LMNA: variants seen among roughly 807,000 people sequenced by gnomAD.
LMNA encodes the protein lamin A/C, also known as lamin.
Under a neutral mutation model 70.4 loss-of-function variants are expected in LMNA, and 20 were observed. The ratio of observed to expected loss-of-function variants is 0.28; its 90% CI spans 0.20 to 0.41. LMNA has a LOEUF of 0.41. LMNA is among the 10% of genes least tolerant of loss of function. The probability of loss-of-function intolerance (pLI) is 1.00; values close to 1 mark genes in which losing one functional copy is unlikely to be tolerated. For missense variants in LMNA, 652 were observed against 917.2 expected, an observed-to-expected ratio of 0.71 and a Z score of 3.73; for synonymous variants, 339 against 372.8, an observed-to-expected ratio of 0.91 and a Z score of 1.04.
chr1:156,089,232 C>T (rs1039688439), intron 2 of LMNA, among the ~76,000 whole-genome samples: 1 of 152,154 alleles, frequency 6.6e-6, no homozygotes, highest in African/African-American at 2.4e-5. Context: ...CTACCTCAGC[C>T]TCTCAAAGTG....
chr1:156,131,157 A>G (rs682267), intron 2 of LMNA, among the ~76,000 whole-genome samples: 21,964 of 152,052 alleles, frequency 0.14, 3,459 homozygotes, highest in African/African-American at 0.39. Context: ...TGTAGTCCCA[A>G]CTACTCGGGA....
At chr1:156,126,642 G>A in intron 1 of LMNA, 2 of 1,210,744 alleles carry the variant, frequency 1.7e-6, no homozygotes, top group Non-Finnish European at 2.4e-6. Context: ...CCCTGCCTTG[G>A]GTCACATTTG....
In LMNA at chr1:156,138,860, C is replaced by A; in HGVS notation, c.1968+103C>A. ...AGGGGGGAGAGCCTGCCTTCTCTTC[C>A]GCAGCCCGGGGGAGTGGGAGCCTCC... On this transcript the variant is annotated intron_variant, in intron 11 of 11. Coordinates refer to ENST00000368300, the MANE Select transcript of LMNA (RefSeq NM_170707.4). This position sits in a 1 kb window ranked among gnomAD's most constrained non-coding sequence, Gnocchi z 5.5. The A allele has an allele frequency of 6.7e-7, 1 of 1,497,478 alleles. No homozygotes were observed. The highest frequency in any genetic ancestry group is 9.2e-7 in the Non-Finnish European group (1 of 1,085,752). The allele number at this position is 1,497,478 out of a possible 1,614,324, so 92.8% of individuals were successfully genotyped here. A position where few individuals can be genotyped will look rare whatever the true frequency, so the allele number is the denominator to read the frequency against.
chr1:156,083,014 T>TG (rs1385629189), exon 2 of LMNA: 1 of 152,122 alleles, frequency 6.6e-6, no homozygotes, highest in Non-Finnish European at 1.5e-5. Context: ...GCAGCAGCGA[T>TG]GGGGGGAGAG....
chr1:156,124,263 A>G (rs1172941767), intron 1 of LMNA, among the ~76,000 whole-genome samples: 2 of 151,898 alleles, frequency 1.3e-5, no homozygotes, highest in African/African-American at 4.8e-5. Context: ...AGTCCCTGGA[A>G]CAGCTGCCCC....
chr1:156,090,272 T>C (rs570931704), intron 2 of LMNA, among the ~76,000 whole-genome samples: 2 of 152,258 alleles, frequency 1.3e-5, no homozygotes, highest in South Asian at 4.2e-4. Context: ...AATGAATAGT[T>C]CATCAGTTAC....
rs1214500406 is a variant in LMNA at position 156,115,668 on chromosome 1, G to A, written c.356+394G>A. Among the ~76,000 whole-genome samples, 1 of 152,238 alleles carries A rather than the reference G, an allele frequency of 6.6e-6. No individual in the cohort carries two copies. The highest frequency in any genetic ancestry group is 6.5e-5 in the Admixed American group (1 of 15,290). On this transcript the variant is annotated intron_variant, in intron 1 of 11. Coordinates refer to ENST00000368300, the MANE Select transcript of LMNA (RefSeq NM_170707.4). This position sits in a 1 kb window ranked among gnomAD's most constrained non-coding sequence, Gnocchi z 5.8. ...CTGGGCACCCAGGACACATCGGAGT[G>A]GCAGAAAGGGTCCTGTTAGAACTTT...
intron 3 of LMNA, among the ~76,000 whole-genome samples, chr1:156,098,611 A>G (rs1351711462): frequency 1.3e-5 from 2 of 152,188 alleles, no homozygotes; most frequent in Non-Finnish European, 2.9e-5. Flanking sequence ...GTGATCCCAG[A>G]CAAATCACTT....
chr1:156,088,419 A>G (rs1648564009), intron 2 of LMNA, among the ~76,000 whole-genome samples: 1 of 152,228 alleles, frequency 6.6e-6, no homozygotes, highest in Admixed American at 6.5e-5. Flanking sequence ...CACAAAAGAA[A>G]TGTGAGACTT....
At chr1:156,116,813 C>T (rs1471464376) in intron 1 of LMNA, among the ~76,000 whole-genome samples, 1 of 152,224 alleles carries the variant, frequency 6.6e-6, no homozygotes, top group African/African-American at 2.4e-5. Flanking sequence ...ATCCACCCGC[C>T]TCAGCCTCCC....
intron 1 of LMNA, chr1:156,126,473 G>C: frequency 4.6e-6 from 3 of 645,586 alleles, no homozygotes; most frequent in Non-Finnish European, 8.6e-6. Context: ...GAGTTGGGCT[G>C]AGCAGGGTGA....
At chr1:156,091,174 C>T (rs1252703071) in intron 3 of LMNA, 2 of 152,368 alleles carry the variant, frequency 1.3e-5, no homozygotes, top group Non-Finnish European at 2.9e-5. Flanking sequence ...TCGCCTAAAC[C>T]TGGCTTCATG....
At chr1:156,111,008 G>A (rs1649519681), upstream of LMNA, among the ~76,000 whole-genome samples, 1 of 152,114 alleles carries the variant, frequency 6.6e-6, no homozygotes, top group Non-Finnish European at 1.5e-5. Flanking sequence ...TGCCTGCTGT[G>A]TGCCAGGTGT....
intron 3 of LMNA, among the ~76,000 whole-genome samples, chr1:156,093,451 G>A (rs985623615): frequency 2.0e-5 from 3 of 151,872 alleles, no homozygotes; most frequent in South Asian, 4.2e-4. Context: ...GATTACAGGC[G>A]TGCGCCACCA....
At chr1:156,113,921 C>T (rs918066997), upstream of LMNA, among the ~76,000 whole-genome samples, 2 of 152,040 alleles carry the variant, frequency 1.3e-5, no homozygotes, top group Admixed American at 6.5e-5. Flanking sequence ...AGGAAGGGGA[C>T]AGGAGATGGA....
At position 156,137,434 on chromosome 1, in the gene LMNA, G is replaced by C; in HGVS notation, c.1608+202G>C. 1.3e-6 allele frequency: 1 copy of C among 797,062 alleles called. No homozygotes were observed. The highest frequency in any genetic ancestry group is 2.1e-6 in the Non-Finnish European group (1 of 486,562). 49.4% of individuals were successfully genotyped at this position (797,062 alleles called of 1,614,324 possible). A position where few individuals can be genotyped will look rare whatever the true frequency, so the allele number is the denominator to read the frequency against. ...CAAGGGGTGGAAGTTAGACAGTGAG[G>C]ATTGTTAAAGGCAGAGCCATACTCC... On this transcript the variant is annotated intron_variant, in intron 9 of 11. Transcript: ENST00000368300. This position sits in a 1 kb window ranked among gnomAD's most constrained non-coding sequence, Gnocchi z 4.6.
intron 2 of LMNA, among the ~76,000 whole-genome samples, chr1:156,088,249 C>T (rs543475288): frequency 2.2e-4 from 33 of 152,120 alleles, no homozygotes; most frequent in Non-Finnish European, 3.7e-4. Flanking sequence ...GCTAAGAGTC[C>T]AGACAGTTTT....
chr1:156,106,080 A>G (rs138377811), intron 3 of LMNA, among the ~76,000 whole-genome samples: 6,681 of 151,792 alleles, frequency 0.044, 243 homozygotes, highest in African/African-American at 0.098. Flanking sequence ...GCTTGCAGTG[A>G]GCCGAGATCG....
intron 1 of LMNA, among the ~76,000 whole-genome samples, chr1:156,121,335 C>T (rs1230198199): frequency 6.6e-6 from 1 of 152,046 alleles, no homozygotes; most frequent in Non-Finnish European, 1.5e-5. Context: ...CTGAGCCTAG[C>T]CCAAATCCAC....
Sources: allele counts gnomAD v4.1 joint callset (sites outside exome capture counted in the v4.1 genomes callset), GRCh38; gene constraint gnomAD v4.1.1; non-coding constraint Gnocchi (gnomAD v3.1); transcripts MANE v1.5; gene names NCBI Gene and HGNC (gene_info 2026-07-23, HGNC 2026-07-21).